Variants in RELN observed in about 807,000 individuals in gnomAD.
RELN encodes the protein reelin.
RELN carries 108 observed loss-of-function variants against 427.6 expected under a neutral mutation model. That is an observed-to-expected ratio of 0.25 (90% CI 0.22 to 0.30). The LOEUF is 0.30. Among genes scored for constraint, RELN ranks in the 10% least tolerant of loss-of-function variants. The probability of loss-of-function intolerance (pLI) is 1.00; values close to 1 mark genes in which losing one functional copy is unlikely to be tolerated. For missense variants in RELN, 3,715 were observed against 4,302.8 expected, an observed-to-expected ratio of 0.86 and a Z score of 3.82; for synonymous variants, 1,524 against 1,513.4, an observed-to-expected ratio of 1.01 and a Z score of -0.16.
chr7:103,638,474 A>G (rs1353936600), intron 17 of RELN, among the ~76,000 whole-genome samples: 2 of 152,200 alleles, frequency 1.3e-5, no homozygotes, highest in African/African-American at 4.8e-5. Flanking sequence ...TGGAGTAAAG[A>G]GGAGAGAAAA....
chr7:103,754,973 A>G (rs778158077), intron 4 of RELN, among the ~76,000 whole-genome samples: 4 of 152,182 alleles, frequency 2.6e-5, no homozygotes, highest in Non-Finnish European at 5.9e-5. Flanking sequence ...TACGAAGAAC[A>G]TCCTGCTATT....
intron 2 of RELN, among the ~76,000 whole-genome samples, chr7:103,851,878 A>G (rs1180859117): frequency 6.6e-6 from 1 of 152,224 alleles, no homozygotes; most frequent in Non-Finnish European, 1.5e-5. Flanking sequence ...CCCTAGTTGA[A>G]ACACGGAACA....
At position 103,755,802 on chromosome 7, in the gene RELN, G is replaced by A. The variant is rs1209282265; in HGVS notation, c.545-2588C>T. 6.6e-5 allele frequency among the ~76,000 whole-genome samples: 7 copies of A among 105,280 alleles called. No homozygotes were observed. The East Asian group carries it at 1.6e-3, about 24-fold the overall frequency. The allele number at this position is 105,280 out of a possible 152,430, so 69.1% of individuals were successfully genotyped here. A position where few individuals can be genotyped will look rare whatever the true frequency, so the allele number is the denominator to read the frequency against. On this transcript the variant is annotated intron_variant, in intron 4 of 64. Coordinates refer to ENST00000428762, the MANE Select transcript of RELN (RefSeq NM_005045.4). ...CACTCCAGTCTGGGGGACAGAGTGA[G>A]ACTCCACCTCAAGAAAAAAAAAAAA... is the stretch of plus-strand genomic sequence containing the variant.
Position 103,843,518 on chromosome 7 carries a change from A to G in RELN, c.338-9846T>C, listed in dbSNP as rs1228076394. ...CTGGGAAGACATGTGTCCTGATCCA[A>G]TAGAAACCCTGTCCAAATCCAGTTA... On this transcript the variant is annotated intron_variant, in intron 2 of 64. Transcript: ENST00000428762. 2.6e-5 allele frequency among the ~76,000 whole-genome samples: 4 copies of G among 152,182 alleles called. No individual in the cohort carries two copies. The South Asian group carries it at 6.2e-4, about 24-fold the overall frequency.
chr7:103,787,407 A>T (rs1431198459), intron 3 of RELN, among the ~76,000 whole-genome samples: 1 of 152,076 alleles, frequency 6.6e-6, no homozygotes, highest in African/African-American at 2.4e-5. Context: ...TGGTTTTCTG[A>T]AAAGATTAGC....
chr7:103,742,469 A>T (rs1226762256), intron 6 of RELN, among the ~76,000 whole-genome samples: 1 of 152,224 alleles, frequency 6.6e-6, no homozygotes, highest in Non-Finnish European at 1.5e-5. Flanking sequence ...AACTACTCCA[A>T]GCTACAGGAG....
At chr7:103,556,447 G>GTTAAATAT (rs1353427697) in intron 38 of RELN, among the ~76,000 whole-genome samples, 4 of 145,152 alleles carry the variant, frequency 2.8e-5, no homozygotes, top group Non-Finnish European at 6.1e-5. Context: ...ATATATATAT[G>GTTAAATAT]TTAAATATTT....
At chr7:103,521,888 G>T (rs1467177356) in intron 48 of RELN, 134 bp downstream of exon 48, 2 of 836,456 alleles carry the variant, frequency 2.4e-6, no homozygotes, top group Non-Finnish European at 2.0e-6. Context: ...AAAGTTGCAA[G>T]TTCAGATCAG....
At chr7:103,711,042 C>CA (rs769990622) in intron 8 of RELN, among the ~76,000 whole-genome samples, 7 of 150,488 alleles carry the variant, frequency 4.7e-5, no homozygotes, top group South Asian at 2.1e-4. Context: ...GACTCCGTCT[C>CA]AAAAAAAAAT....
chr7:103,879,851 C>A (rs1452150552), intron 2 of RELN, among the ~76,000 whole-genome samples: 2 of 152,108 alleles, frequency 1.3e-5, no homozygotes, highest in Non-Finnish European at 2.9e-5. Flanking sequence ...AAAATAAAAA[C>A]ATTTTTCTAA....
intron 2 of RELN, among the ~76,000 whole-genome samples, chr7:103,896,171 G>GAC (rs887063034): frequency 6.6e-6 from 1 of 152,040 alleles, no homozygotes; most frequent in Admixed American, 6.6e-5. Context: ...TAGAAACACT[G>GAC]ACACCACCGA....
At chr7:103,618,293 T>C (rs1832130285) in intron 20 of RELN, among the ~76,000 whole-genome samples, 1 of 152,244 alleles carries the variant, frequency 6.6e-6, no homozygotes, top group African/African-American at 2.4e-5. Context: ...TTCTATGGTA[T>C]TCAATGTGTG....
At chr7:103,958,077 C>A (rs1193529414) in intron 1 of RELN, among the ~76,000 whole-genome samples, 1 of 152,140 alleles carries the variant, frequency 6.6e-6, no homozygotes, top group Non-Finnish European at 1.5e-5. Context: ...ATACAATGGG[C>A]AGAATAGTAT....
At chr7:103,940,502 T>C (rs1224124327) in intron 1 of RELN, among the ~76,000 whole-genome samples, 1 of 152,174 alleles carries the variant, frequency 6.6e-6, no homozygotes, top group South Asian at 2.1e-4. Flanking sequence ...CAAAGTATAC[T>C]GTACTATGGC....
chr7:103,714,158 C>A (rs908140812), intron 8 of RELN, among the ~76,000 whole-genome samples: 19 of 152,098 alleles, frequency 1.2e-4, no homozygotes, highest in Admixed American at 5.9e-4. Flanking sequence ...AAAACCTATG[C>A]TATATAACAT....
intron 3 of RELN, among the ~76,000 whole-genome samples, chr7:103,817,937 C>CA (rs71154371): frequency 0.12 from 4,446 of 36,046 alleles, 656 homozygotes; most frequent in East Asian, 0.26. Context: ...GACTCCATCT[C>CA]AAAAAAAAAA....
At chr7:103,904,705 C>T (rs890213376) in intron 2 of RELN, among the ~76,000 whole-genome samples, 1 of 152,074 alleles carries the variant, frequency 6.6e-6, no homozygotes, top group African/African-American at 2.4e-5. Flanking sequence ...TTAACAAATG[C>T]TTATCATTTT....
At chr7:103,930,814 T>G (rs1196157747) in intron 1 of RELN, among the ~76,000 whole-genome samples, 1 of 151,814 alleles carries the variant, frequency 6.6e-6, no homozygotes. Flanking sequence ...TTCATTTCCT[T>G]GCAGGCTTGG....
intron 3 of RELN, among the ~76,000 whole-genome samples, chr7:103,794,726 G>A (rs1269429776): frequency 1.3e-5 from 2 of 152,052 alleles, no homozygotes; most frequent in African/African-American, 2.4e-5. Flanking sequence ...TATTTAAATT[G>A]GATCATTCTT....
Sources: allele counts gnomAD v4.1 joint callset (sites outside exome capture counted in the v4.1 genomes callset), GRCh38; gene constraint gnomAD v4.1.1; transcripts MANE v1.5; gene names NCBI Gene and HGNC (gene_info 2026-07-23, HGNC 2026-07-21).